PLPP7: variants seen among roughly 807,000 people sequenced by gnomAD.
PLPP7 encodes the protein phospholipid phosphatase 7 (inactive).
PLPP7 carries 11 observed loss-of-function variants against 16.9 expected under a neutral mutation model. That is an observed-to-expected ratio of 0.65 (90% CI 0.41 to 1.08). PLPP7 has a LOEUF of 1.08. PLPP7 is among the 50% of genes least tolerant of loss of function. The pLI is 0.00. For synonymous variants in PLPP7, 174 were observed against 175.1 expected (o/e 0.99, Z 0.05); for missense variants, 358 against 397.1 (o/e 0.90, Z 0.84).
intron 1 of PLPP7, among the ~76,000 whole-genome samples, chr9:131,296,155 C>T (rs1352079945): frequency 6.6e-6 from 1 of 152,186 alleles, no homozygotes; most frequent in African/African-American, 2.4e-5. Flanking sequence ...CACATCTTCA[C>T]CAACACTCAT....
Position 131,308,557 on chromosome 9 carries a change from C to A in PLPP7, c.*270C>A. 1 of 514,776 alleles carries A rather than the reference C, an allele frequency of 1.9e-6. No homozygotes were observed. Among genetic ancestry groups the A allele is most frequent in the Non-Finnish European group, 3.5e-6 (1 of 289,568 alleles). 31.9% of individuals were successfully genotyped at this position (514,776 alleles called of 1,614,324 possible). On this transcript the variant is annotated 3_prime_UTR_variant, in exon 2 of 2. Transcript: ENST00000372264. ...CCAGGACCCACCCATGGGGACAGCC[C>A]TATTTAGCTTCTGCTCTGGGAACAG... is the stretch of plus-strand genomic sequence containing the variant.
At chr9:131,302,647 A>G (rs1433727720) in intron 1 of PLPP7, among the ~76,000 whole-genome samples, 2 of 152,234 alleles carry the variant, frequency 1.3e-5, no homozygotes, top group Non-Finnish European at 2.9e-5. Flanking sequence ...CGAGGCCTTC[A>G]GGCCCCGCCC....
intron 1 of PLPP7, chr9:131,291,098 C>T: frequency 7.3e-7 from 1 of 1,366,492 alleles, no homozygotes; most frequent in Non-Finnish European, 9.8e-7. Context: ...TCTTTGCCAC[C>T]AATGTCTTGC....
chr9:131,291,119 C>T (rs371868877), intron 1 of PLPP7: 240 of 1,366,404 alleles, frequency 1.8e-4, no homozygotes, highest in African/African-American at 7.7e-4. Context: ...AGATTAGCAC[C>T]GCCCTGTGCC....
intron 1 of PLPP7, among the ~76,000 whole-genome samples, chr9:131,303,404 GA>G (rs1388462870): frequency 2.0e-5 from 3 of 150,098 alleles, no homozygotes; most frequent in Non-Finnish European, 4.4e-5. Context: ...GACTACCTCT[GA>G]GGGGCAGGAT....
At chr9:131,297,664 G>A (rs1463794861) in intron 1 of PLPP7, among the ~76,000 whole-genome samples, 6 of 152,184 alleles carry the variant, frequency 3.9e-5, no homozygotes. Context: ...GGGATTACAG[G>A]CGTGAGCCAC....
chr9:131,297,958 T>C lies in PLPP7; in HGVS notation c.451+7510T>C, dbSNP rs148733457. On this transcript the variant is annotated intron_variant, in intron 1 of 1. Coordinates refer to ENST00000372264, the MANE Select transcript of PLPP7 (RefSeq NM_032728.4). The stretch of plus-strand genomic sequence containing the variant: ...TTTCCACTTAACATACCCCATGGCT[T>C]TCTGATATAGTCGGGCTATAAATAT... Among the ~76,000 whole-genome samples the C allele has an allele frequency of 3.0e-3, 461 of 152,308 alleles. 1 individual carries two copies. The highest frequency in any genetic ancestry group is 0.011 in the African/African-American group (439 of 41,564).
chr9:131,293,920 A>G (rs1173647456), intron 1 of PLPP7, among the ~76,000 whole-genome samples: 3 of 152,142 alleles, frequency 2.0e-5, no homozygotes, highest in Non-Finnish European at 4.4e-5. Flanking sequence ...CCCCAGGGGC[A>G]GTCTCTGGGC....
rs12684567 is a variant in PLPP7 at position 131,297,051 on chromosome 9, A to T, written c.451+6603A>T. On this transcript the variant is annotated intron_variant, in intron 1 of 1. Coordinates refer to ENST00000372264, the MANE Select transcript of PLPP7 (RefSeq NM_032728.4). ...TCCCTCCCCAGCCTCCTTTCTCAGC[A>T]TCTCAGTGGGCCTCAGTGCAACAGT... Among the ~76,000 whole-genome samples the T allele has an allele frequency of 2.0e-4, 31 of 152,190 alleles. No individual in the cohort carries two copies. In the East Asian group the frequency reaches 5.6e-3, roughly 28 times the overall value.
Position 131,291,855 on chromosome 9 carries a change from T to C in PLPP7, c.451+1407T>C, listed in dbSNP as rs572742546. ...CCTTGGCCTCCCAAAGTGCTGGGAT[T>C]ATAGGCATGAGCCACCGTGCCTGGC... On this transcript the variant is annotated intron_variant, in intron 1 of 1. Coordinates refer to ENST00000372264, the MANE Select transcript of PLPP7 (RefSeq NM_032728.4). Among the ~76,000 whole-genome samples, 104 of 152,368 alleles carry C rather than the reference T, an allele frequency of 6.8e-4. 1 individual carries two copies. The highest frequency in any genetic ancestry group is 2.4e-3 in the African/African-American group (98 of 41,592).
intron 1 of PLPP7, among the ~76,000 whole-genome samples, chr9:131,296,542 C>T (rs190716799): frequency 1.6e-4 from 25 of 152,304 alleles, no homozygotes; most frequent in African/African-American, 5.5e-4. Context: ...GCGAGAGCCA[C>T]GGTGCCCAGC....
Position 131,302,370 on chromosome 9 carries a change from G to A in PLPP7, c.452-5553G>A, listed in dbSNP as rs554128120. On this transcript the variant is annotated intron_variant, in intron 1 of 1. Coordinates refer to ENST00000372264, the MANE Select transcript of PLPP7 (RefSeq NM_032728.4). Reference sequence around the variant, plus strand: ...AGGACCAGCTGGCCCCTCTAAGCTGGCTTCCTCAGCTGCTTCATGGGGCGA... The same window carrying A: ...AGGACCAGCTGGCCCCTCTAAGCTGACTTCCTCAGCTGCTTCATGGGGCGA... 6.6e-5 allele frequency among the ~76,000 whole-genome samples: 10 copies of A among 152,322 alleles called. No homozygotes were observed. In the South Asian group the frequency reaches 1.7e-3, roughly 25 times the overall value.
At position 131,300,713 on chromosome 9, in the gene PLPP7, A is replaced by G. The variant is rs926317399; in HGVS notation, c.452-7210A>G. On this transcript the variant is annotated intron_variant, in intron 1 of 1. Transcript: ENST00000372264. ...AGAAAAAAAAAAAAAAAAAAAAAAA[A>G]GGGAAGGTGTGGGTCTAGCTTAGTT... 3.5e-3 allele frequency among the ~76,000 whole-genome samples: 516 copies of G among 148,478 alleles called. 4 individuals are homozygous for G. The highest frequency in any genetic ancestry group is 0.012 in the African/African-American group (500 of 40,238).
chr9:131,290,044 TC>T lies in PLPP7; in HGVS notation c.49del (p.Leu17SerfsTer9). 6.9e-7 allele frequency: 1 copy of T among 1,459,754 alleles called. No individual in the cohort carries two copies. Among genetic ancestry groups the T allele is most frequent in the African/African-American group, 1.4e-5 (1 of 69,058 alleles). 90.4% of individuals were successfully genotyped at this position (1,459,754 alleles called of 1,614,324 possible). A position where few individuals can be genotyped will look rare whatever the true frequency, so the allele number is the denominator to read the frequency against. The stretch of plus-strand genomic sequence containing the variant: ...GCCCGTGCCCGGGACCGCAACAACG[TC>T]CTCAACCGGGCTGAGTTCCTGTCCC... ...SRARARDRNN[V>X]LNRAEFLSLN... is the part of the protein sequence containing the mutation. On this transcript the variant is annotated frameshift_variant, in exon 1 of 2. Transcript: ENST00000372264. LOFTEE classifies it high-confidence loss of function. This position sits in a 1 kb window ranked among gnomAD's most constrained non-coding sequence, Gnocchi z 4.2.
At chr9:131,298,409 C>T (rs908384948) in intron 1 of PLPP7, among the ~76,000 whole-genome samples, 1 of 152,174 alleles carries the variant, frequency 6.6e-6, no homozygotes, top group African/African-American at 2.4e-5. Context: ...CCCACAAACC[C>T]AGCCCTTCGC....
rs150096229 is a variant in PLPP7 at position 131,302,357 on chromosome 9, C to A, written c.452-5566C>A. Among the ~76,000 whole-genome samples, 473 of 152,318 alleles carry A rather than the reference C, an allele frequency of 3.1e-3. 1 individual carries two copies. The highest frequency in any genetic ancestry group is 0.011 in the African/African-American group (446 of 41,560). ...CCCTGGGCTGGAGAGGACCAGCTGG[C>A]CCCTCTAAGCTGGCTTCCTCAGCTG... On this transcript the variant is annotated intron_variant, in intron 1 of 1. Transcript: ENST00000372264.
At chr9:131,291,675 G>A (rs184299019) in intron 1 of PLPP7, among the ~76,000 whole-genome samples, 16 of 150,530 alleles carry the variant, frequency 1.1e-4, no homozygotes, top group African/African-American at 3.2e-4. Context: ...TCCGCCTCCC[G>A]GGTTCAAGCA....
intron 1 of PLPP7, chr9:131,292,879 A>C (rs1835697337): frequency 1.0e-6 from 1 of 985,430 alleles, no homozygotes; most frequent in African/African-American, 1.7e-5. Context: ...TCATTCCAGC[A>C]GCCAGCTGCC....
chr9:131,299,630 C>G lies in PLPP7; in HGVS notation c.452-8293C>G, dbSNP rs146918454. ...CAGGCGGGCCACTGCCTCTTCCATT[C>G]ACAACCCTCCCGGCCAGACGGCTGC... On this transcript the variant is annotated intron_variant, in intron 1 of 1. Coordinates refer to ENST00000372264, the MANE Select transcript of PLPP7 (RefSeq NM_032728.4). Among the ~76,000 whole-genome samples, 1,174 of 152,294 alleles carry G rather than the reference C, an allele frequency of 7.7e-3. 18 individuals are homozygous for G. Among genetic ancestry groups the G allele is most frequent in the African/African-American group, 0.027 (1,121 of 41,540 alleles).
Sources: gnomAD v4.1 joint callset for allele counts (sites outside exome capture counted in the v4.1 genomes callset) on GRCh38, gnomAD v4.1.1 for gene constraint, Gnocchi (gnomAD v3.1) non-coding constraint, MANE v1.5 for transcripts, NCBI Gene and HGNC (gene_info 2026-07-23, HGNC 2026-07-21) for gene names.